AMOTL2: variants seen among roughly 807,000 people sequenced by gnomAD.
AMOTL2 encodes the protein angiomotin like 2.
A neutral mutation model predicts 78.4 loss-of-function variants in AMOTL2; 33 were observed. The ratio of observed to expected loss-of-function variants is 0.42; its 90% CI spans 0.32 to 0.56. AMOTL2 has a LOEUF of 0.56. Among genes scored for constraint, AMOTL2 ranks in the 20% least tolerant of loss-of-function variants. AMOTL2 has a pLI of 0.12. For synonymous variants in AMOTL2, 422 were observed against 428.8 expected (o/e 0.98, Z 0.20); for missense variants, 983 against 1,030.1 (o/e 0.95, Z 0.63).
intron 6 of AMOTL2, 87 bp downstream of exon 6, chr3:134,361,425 C>T (rs1169219861): frequency 1.4e-6 from 2 of 1,440,916 alleles, no homozygotes; most frequent in Admixed American, 4.8e-5. Context: ...GGGCCTCAGC[C>T]CTGGCCTCCA....
Position 134,370,835 on chromosome 3 carries a change from G to A in AMOTL2, c.599C>T (p.Pro200Leu), listed in dbSNP as rs2017816488. The change falls in exon 2 of 10, where the codon CCT becomes CTT. Residue 200 changes from proline to leucine, a missense_variant. Physicochemically the swap from Pro to Leu is moderately conservative, Grantham distance 98. Coordinates refer to ENST00000249883, the MANE Select transcript of AMOTL2 (RefSeq NM_016201.4). The part of the protein sequence containing the change: ...NQQGPPLRGP[P>L]AEGPESRGPP... ...TCCTCGGGACTCTGGGCCCTCAGCA[G>A]GGGGGCCCCTCAGTGGGGGGCCCTG... 1 of 1,592,598 alleles carries A rather than the reference G, an allele frequency of 6.3e-7. No homozygotes were observed. Among genetic ancestry groups the A allele is most frequent in the Non-Finnish European group, 8.6e-7 (1 of 1,167,704 alleles).
rs772567517 is a variant in AMOTL2 at position 134,370,782 on chromosome 3, G to C, written c.652C>G (p.Leu218Val). 7.2e-6 allele frequency: 11 copies of C among 1,535,634 alleles called. No homozygotes were observed. The highest frequency in any genetic ancestry group is 9.6e-6 in the Non-Finnish European group (11 of 1,142,166). Residue 218 changes from leucine to valine, a missense_variant, in exon 2 of 10, where the codon CTA becomes GTA. Transcript: ENST00000249883. Reference sequence around the variant, plus strand: ...ACAGCAGTGGTGGTCTCATGAGCTAGTACAACATGAGGGTACTGAGGTGGG... The same window carrying C: ...ACAGCAGTGGTGGTCTCATGAGCTACTACAACATGAGGGTACTGAGGTGGG... ...GPPPQYPHVVLAHETTTAVTD... is the reference protein window; with the variant it reads ...GPPPQYPHVVVAHETTTAVTD...
chr3:134,360,874 A>T (rs1465118227), intron 6 of AMOTL2, among the ~76,000 whole-genome samples: 1 of 152,220 alleles, frequency 6.6e-6, no homozygotes, highest in Non-Finnish European at 1.5e-5. Context: ...TTGGGGAGGC[A>T]TATAAAAGCT....
At position 134,371,376 on chromosome 3, in the gene AMOTL2, G is replaced by C. The variant is rs1159073859; in HGVS notation, c.58C>G (p.Leu20Val). ...GTCTCAGTCAGGTTGCCGTAGCGCA[G>C]CTGCTCCTGGATGAGGCGGTGCAGG... ...TVLHRLIQEQ[L>V]RYGNLTETRT... The change falls in exon 2 of 10, where the codon CTG becomes GTG. Residue 20 changes from leucine to valine, a missense_variant. Leu to Val is a conservative substitution (Grantham distance 32). Coordinates refer to ENST00000249883, the MANE Select transcript of AMOTL2 (RefSeq NM_016201.4). 1 of 1,609,056 alleles carries C rather than the reference G, an allele frequency of 6.2e-7. No homozygotes were observed. Among genetic ancestry groups the C allele is most frequent in the Non-Finnish European group, 8.5e-7 (1 of 1,180,002 alleles).
Position 134,367,778 on chromosome 3 carries a change from C to T in AMOTL2, c.760G>A (p.Val254Met). ...VRILQAQVPP[V>M]FLQQQQQYQY... ...TACTGCTGCTGCTGTTGGAGGAACA[C>T]AGGAGGCACCTGGGCCTGCAGGATC... The change falls in exon 3 of 10, where the codon GTG becomes ATG. Residue 254 changes from valine to methionine, a missense_variant. Val to Met is a conservative substitution (Grantham distance 21). Coordinates refer to ENST00000249883, the MANE Select transcript of AMOTL2 (RefSeq NM_016201.4). 6.2e-7 allele frequency: 1 copy of T among 1,613,640 alleles called. No individual in the cohort carries two copies. The highest frequency in any genetic ancestry group is 8.5e-7 in the Non-Finnish European group (1 of 1,179,996).
At chr3:134,373,793 CTCTT>C in intron 1 of AMOTL2, 1 of 985,494 alleles carries the variant, frequency 1.0e-6, no homozygotes, top group Non-Finnish European at 1.2e-6. Context: ...CTCTCGAGCC[CTCTT>C]TGTTTTCCAA....
rs780271804 is a variant in AMOTL2 at position 134,366,387 on chromosome 3, C to A, written c.1082G>T (p.Ser361Ile). Residue 361 changes from serine (S) to isoleucine (I), a missense_variant, in exon 4 of 10, where the codon AGC becomes ATC. Ser to Ile is a moderately radical substitution (Grantham distance 142, BLOSUM62 -2). Coordinates refer to ENST00000249883, the MANE Select transcript of AMOTL2 (RefSeq NM_016201.4). ...EIQRLSEAHESLTRASSKREA... is the reference protein window; with the variant it reads ...EIQRLSEAHEILTRASSKREA... ...ACGCTTGGAGGAGGCTCTGGTCAGG[C>A]TCTCATGGGCCTCAGAGAGCCGCTG... is the stretch of plus-strand genomic sequence containing the variant. The A allele has an allele frequency of 2.5e-6, 4 of 1,614,002 alleles. No homozygotes were observed. In the South Asian group the frequency reaches 4.4e-5, roughly 18 times the overall value.
intron 8 of AMOTL2, among the ~76,000 whole-genome samples, chr3:134,359,074 T>C (rs777259939): frequency 6.6e-6 from 1 of 152,144 alleles, no homozygotes. Context: ...GAATTTATGG[T>C]GATGGGGACT....
At chr3:134,362,877 A>G (rs2017436533) in intron 5 of AMOTL2, among the ~76,000 whole-genome samples, 2 of 152,038 alleles carry the variant, frequency 1.3e-5, no homozygotes, top group South Asian at 2.1e-4. Context: ...GGGCAGGGCT[A>G]TGGGCTCCCG....
In AMOTL2 at chr3:134,372,728, G is replaced by A. The variant is rs536589902; in HGVS notation, c.-61-1234C>T. On this transcript the variant is annotated intron_variant, in intron 1 of 9. Coordinates refer to ENST00000249883, the MANE Select transcript of AMOTL2 (RefSeq NM_016201.4). ...GAGAGACCTGGGGCAGGGGAGAGGGGACTGTGAGCCTAAAGTGCTGGGAGA... is the reference window on the plus strand; with the variant it reads ...GAGAGACCTGGGGCAGGGGAGAGGGAACTGTGAGCCTAAAGTGCTGGGAGA... Among the ~76,000 whole-genome samples, 24 of 152,208 alleles carry A rather than the reference G, an allele frequency of 1.6e-4. 1 individual carries two copies. In the South Asian group the frequency reaches 5.0e-3, roughly 32 times the overall value.
chr3:134,370,554 C>T, intron 2 of AMOTL2, 146 bp downstream of exon 2: 1 of 1,094,096 alleles, frequency 9.1e-7, no homozygotes, highest in Non-Finnish European at 1.2e-6. Context: ...CTCTTCTCTG[C>T]CAGGCATTAG....
At chr3:134,361,875 C>A in intron 5 of AMOTL2, 68 bp from the exon 6 acceptor site, 1 of 1,347,624 alleles carries the variant, frequency 7.4e-7, no homozygotes. Context: ...CTCCTGGGCT[C>A]AGTGCTGACC....
Position 134,361,776 on chromosome 3 carries a change from C to T in AMOTL2, c.1311G>A (p.Leu437=), listed in dbSNP as rs758091998. ...CGCGCAGCAGTGCCATCTCTCGCTC[C>T]AGCTTCTCTTGCTCCTGCTGCTGTT... ...SYEQQQEQEK[L]EREMALLRGA... is the part of the protein sequence containing the mutation. Residue 437 remains leucine (L), a synonymous_variant, in exon 6 of 10, where the codon CTG becomes CTA. Coordinates refer to ENST00000249883, the MANE Select transcript of AMOTL2 (RefSeq NM_016201.4). 6.4e-7 allele frequency: 1 copy of T among 1,573,624 alleles called. No homozygotes were observed. Among genetic ancestry groups the T allele is most frequent in the Non-Finnish European group, 8.6e-7 (1 of 1,156,552 alleles).
upstream of AMOTL2, chr3:134,374,953 G>T: frequency 9.5e-6 from 13 of 1,367,542 alleles, no homozygotes; most frequent in Non-Finnish European, 1.2e-5. Flanking sequence ...GGGGAGGTGG[G>T]AAAGGGAGGA....
chr3:134,360,387 G>C lies in AMOTL2; in HGVS notation c.1602C>G (p.Ser534Arg), dbSNP rs1332565859. 3 of 1,612,434 alleles carry C rather than the reference G, an allele frequency of 1.9e-6. No homozygotes were observed. The highest frequency in any genetic ancestry group is 2.5e-6 in the Non-Finnish European group (3 of 1,179,162). Residue 534 changes from serine to arginine, a missense_variant, in exon 7 of 10, where the codon AGC becomes AGG. Physicochemically the swap from Ser to Arg is moderately radical, Grantham distance 110. Transcript: ENST00000249883. ...QQRQAGAPGG[S>R]SGSGGSPELS... ...GCTCTGGAGACCCACCACTGCCACT[G>C]CTACCACCTGGGGCACCTGCCTGTC... is the stretch of plus-strand genomic sequence containing the variant.
chr3:134,367,361 G>A (rs1398499712), intron 3 of AMOTL2, 136 bp downstream of exon 3: 7 of 1,046,510 alleles, frequency 6.7e-6, no homozygotes, highest in Non-Finnish European at 9.7e-6. Flanking sequence ...TGAGGGAGGT[G>A]GAAGACAGAG....
In AMOTL2 at chr3:134,357,807, T is replaced by C. The variant is rs1175199573; in HGVS notation, c.2285-44A>G. On this transcript the variant is annotated intron_variant, in intron 9 of 9. Coordinates refer to ENST00000249883, the MANE Select transcript of AMOTL2 (RefSeq NM_016201.4). ...ACAGGCACATGCCAATGAGTGTTAC[T>C]AGATTGCTTTTAAAATCCTGGCACA... is the stretch of plus-strand genomic sequence containing the variant. The C allele has an allele frequency of 4.4e-6, 7 of 1,582,682 alleles. No homozygotes were observed. In the Admixed American group the frequency reaches 5.0e-5, roughly 11 times the overall value.
In AMOTL2 at chr3:134,366,341, C is replaced by T; in HGVS notation, c.1128G>A (p.Met376Ile). 1 of 1,614,208 alleles carries T rather than the reference C, an allele frequency of 6.2e-7. No individual in the cohort carries two copies. The highest frequency in any genetic ancestry group is 8.5e-7 in the Non-Finnish European group (1 of 1,180,040). ...SSKREALEKTMRNKMDSEMRR... is the reference protein window; with the variant it reads ...SSKREALEKTIRNKMDSEMRR... Reference sequence around the variant, plus strand: ...TCATTTCACTGTCCATCTTGTTCCGCATGGTCTTCTCCAGGGCCTCACGCT... The same window carrying T: ...TCATTTCACTGTCCATCTTGTTCCGTATGGTCTTCTCCAGGGCCTCACGCT... The change falls in exon 4 of 10, where the codon ATG becomes ATA. Residue 376 changes from methionine to isoleucine, a missense_variant. Coordinates refer to ENST00000249883, the MANE Select transcript of AMOTL2 (RefSeq NM_016201.4).
intron 3 of AMOTL2, chr3:134,366,832 G>C (rs1456959567): frequency 1.1e-5 from 2 of 174,472 alleles, no homozygotes; most frequent in African/African-American, 4.8e-5. Context: ...ATGATGGGGT[G>C]GTTTGACCTA....
Sources: allele counts gnomAD v4.1 joint callset (sites outside exome capture counted in the v4.1 genomes callset), GRCh38; gene constraint gnomAD v4.1.1; transcripts MANE v1.5; gene names NCBI Gene and HGNC (gene_info 2026-07-23, HGNC 2026-07-21).